Variants in FRMD1 observed in about 807,000 individuals in gnomAD.
FRMD1 encodes the protein FERM domain-containing protein 1.
Under a neutral mutation model 54.9 loss-of-function variants are expected in FRMD1, and 51 were observed. The observed-to-expected ratio is 0.93, with a 90% CI of 0.74 to 1.17. The LOEUF is 1.17. Ranked by LOEUF, FRMD1 falls within the 50% of genes most tolerant of loss-of-function variation. FRMD1 has a pLI of 0.00. For synonymous variants in FRMD1, 324 were observed against 306.4 expected (o/e 1.06, Z -0.60); for missense variants, 729 against 743.0 (o/e 0.98, Z 0.22).
At chr6:168,065,303 G>A in intron 4 of FRMD1, 2 of 1,293,602 alleles carry the variant, frequency 1.5e-6, no homozygotes, top group Non-Finnish European at 2.0e-6. Context: ...GGCTCCACCT[G>A]CCGAGGTCCC....
Position 168,075,734 on chromosome 6 carries a change from C to G in FRMD1, c.214-399G>C, listed in dbSNP as rs1315539194. 4.5e-6 allele frequency: 7 copies of G among 1,544,910 alleles called. No homozygotes were observed. In the South Asian group the frequency reaches 8.3e-5, roughly 18 times the overall value. ...TCCCCATGAGCGCGAGCATCGGTGTCTCACATCATCCATCGCCCAACTGAT... is the reference window on the plus strand; with the variant it reads ...TCCCCATGAGCGCGAGCATCGGTGTGTCACATCATCCATCGCCCAACTGAT... On this transcript the variant is annotated intron_variant, in intron 1 of 10. Transcript: ENST00000283309.
In FRMD1 at chr6:168,061,891, G is replaced by A. The variant is rs779416623; in HGVS notation, c.961C>T (p.Leu321=). The A allele has an allele frequency of 1.3e-6, 2 of 1,594,556 alleles. No homozygotes were observed. The highest frequency in any genetic ancestry group is 1.3e-5 in the African/African-American group (1 of 74,546). Residue 321 remains leucine (L), a synonymous_variant, in exon 8 of 11, where the codon CTG becomes TTG. Transcript: ENST00000283309. ...TGCTWRSRHL[L]HLLRASHQLH... is the part of the protein sequence containing the mutation. Reference sequence around the variant, plus strand: ...TGGTGGCTGGCGCGCAGCAGGTGCAGCAGGTGCCTGGACCGCCAGGTGCAC... The same window carrying A: ...TGGTGGCTGGCGCGCAGCAGGTGCAACAGGTGCCTGGACCGCCAGGTGCAC...
At chr6:168,071,716 A>T (rs925056186) in intron 2 of FRMD1, among the ~76,000 whole-genome samples, 11 of 152,198 alleles carry the variant, frequency 7.2e-5, no homozygotes, top group African/African-American at 2.4e-4. Flanking sequence ...AAGCCCTCCC[A>T]CCTGGGAACT....
chr6:168,064,748 C>A, intron 5 of FRMD1, 123 bp downstream of exon 5: 2 of 1,454,200 alleles, frequency 1.4e-6, no homozygotes, highest in Non-Finnish European at 1.8e-6. Context: ...CTGTTTCCAT[C>A]CCTGACCCTT....
At chr6:168,085,061 C>G (rs1359560659), upstream of FRMD1, among the ~76,000 whole-genome samples, 1 of 152,240 alleles carries the variant, frequency 6.6e-6, no homozygotes, top group African/African-American at 2.4e-5. Flanking sequence ...CTGGCAGGTC[C>G]CTCCACCACC....
upstream of FRMD1, chr6:168,081,537 A>G (rs778886993): frequency 2.0e-5 from 30 of 1,515,898 alleles, no homozygotes; most frequent in Middle Eastern, 6.8e-4. Context: ...GCTGGTTTCC[A>G]TCCTCTATCA....
intron 2 of FRMD1, among the ~76,000 whole-genome samples, chr6:168,069,947 G>C (rs1800216511): frequency 6.6e-6 from 1 of 152,298 alleles, no homozygotes; most frequent in East Asian, 1.9e-4. Flanking sequence ...CACTCAGGCT[G>C]GGTGTGGTGG....
rs756355091 is a variant in FRMD1, at chr6:168,062,891, C to T, written c.870+3G>A. On this transcript the variant is annotated splice_donor_region_variant and intron_variant, in intron 7 of 10. Transcript: ENST00000283309. ...TCTGTGAGGCTGGAGCCCCTTCGGT[C>T]ACCTGGTAGATGTGCACTCCCCTGA... 8 of 1,613,606 alleles carry T rather than the reference C, an allele frequency of 5.0e-6. No homozygotes were observed. Among genetic ancestry groups the T allele is most frequent in the Admixed American group, 3.3e-5 (2 of 59,998 alleles).
chr6:168,079,292 G>A, upstream of FRMD1: 1 of 1,046,364 alleles, frequency 9.6e-7, no homozygotes, highest in East Asian at 2.8e-5. Flanking sequence ...GGTGTGTGGA[G>A]GGCGCCAGGA....
chr6:168,088,318 C>T (rs1366923866), intron 1 of FRMD1, among the ~76,000 whole-genome samples: 1 of 152,204 alleles, frequency 6.6e-6, no homozygotes, highest in Non-Finnish European at 1.5e-5. Context: ...TCAGTGCCTG[C>T]TCTCCAGAGT....
chr6:168,089,898 G>A (rs1266345989), intron 1 of FRMD1, among the ~76,000 whole-genome samples: 2 of 152,190 alleles, frequency 1.3e-5, no homozygotes, highest in Non-Finnish European at 2.9e-5. Context: ...GCTGGCGCTG[G>A]TGGTGCCCTG....
Position 168,053,573 on chromosome 6 carries a change from G to GC in FRMD1, c.*3523dup. 1 of 152,424 alleles carries GC rather than the reference G, an allele frequency of 6.6e-6. No homozygotes were observed. The highest frequency in any genetic ancestry group is 1.9e-4 in the East Asian group (1 of 5,184). The allele number at this position is 152,424 out of a possible 1,614,324, so 9.4% of individuals were successfully genotyped here. A position where few individuals can be genotyped will look rare whatever the true frequency, so the allele number is the denominator to read the frequency against. On this transcript the variant is annotated 3_prime_UTR_variant, in exon 11 of 11. Coordinates refer to ENST00000283309, the MANE Select transcript of FRMD1 (RefSeq NM_024919.6). Reference sequence around the variant, plus strand: ...CCCACACACCCACAGGGCCCTCAGTGCCCCTCAAGGCGAAAGGAGCGTGAC... The same window carrying GC: ...CCCACACACCCACAGGGCCCTCAGTGCCCCCTCAAGGCGAAAGGAGCGTGAC...
At chr6:168,061,717 A>C in intron 8 of FRMD1, 90 bp downstream of exon 8, 13 of 1,324,664 alleles carry the variant, frequency 9.8e-6, no homozygotes, top group Non-Finnish European at 1.3e-5. Flanking sequence ...AAGAGACAGA[A>C]GGCATAGTCC....
At chr6:168,081,345 C>T, upstream of FRMD1, 1 of 1,525,748 alleles carries the variant, frequency 6.6e-7, no homozygotes, top group Non-Finnish European at 8.8e-7. Flanking sequence ...GACCCCACCT[C>T]TGAATGTCTT....
intron 2 of FRMD1, among the ~76,000 whole-genome samples, chr6:168,067,718 C>T (rs760249123): frequency 8.5e-5 from 13 of 152,244 alleles, no homozygotes; most frequent in Non-Finnish European, 1.8e-4. Flanking sequence ...GCTCCGGGCA[C>T]GCCCTTTGGG....
intron 1 of FRMD1, among the ~76,000 whole-genome samples, chr6:168,088,130 A>G (rs1449611539): frequency 3.3e-5 from 5 of 152,104 alleles, no homozygotes; most frequent in Non-Finnish European, 5.9e-5. Flanking sequence ...TTCCCATCTT[A>G]GAGATAAGAA....
chr6:168,082,029 G>A (rs1800840838), upstream of FRMD1, among the ~76,000 whole-genome samples: 1 of 152,248 alleles, frequency 6.6e-6, no homozygotes, highest in African/African-American at 2.4e-5. Context: ...ATTCCACCAT[G>A]TGGGCGTGAG....
At chr6:168,067,548 CTGAA>C in intron 2 of FRMD1, 102 bp from the exon 3 acceptor site, 2 of 725,792 alleles carry the variant, frequency 2.8e-6, no homozygotes, top group Non-Finnish European at 4.8e-6. Flanking sequence ...AGATGCACAG[CTGAA>C]AACTGTGCGT....
chr6:168,060,524 AG>A (rs1799665800), intron 9 of FRMD1, among the ~76,000 whole-genome samples: 1 of 152,128 alleles, frequency 6.6e-6, no homozygotes, highest in Admixed American at 6.5e-5. Context: ...GCCCCTTGGC[AG>A]GAACAGGAGA....
Sources: allele counts gnomAD v4.1 joint callset (sites outside exome capture counted in the v4.1 genomes callset), GRCh38; gene constraint gnomAD v4.1.1; transcripts MANE v1.5; gene names NCBI Gene and HGNC (gene_info 2026-07-23, HGNC 2026-07-21).